Variants in LRP1B observed in about 807,000 individuals in gnomAD.
LRP1B encodes the protein low-density lipoprotein receptor-related protein 1B.
Under a neutral mutation model 556.6 loss-of-function variants are expected in LRP1B, and 217 were observed. The observed-to-expected ratio is 0.39, with a 90% CI of 0.35 to 0.44. LRP1B has a LOEUF of 0.44. Ranked by LOEUF, LRP1B falls within the 20% of genes least tolerant of loss-of-function variation. The probability of loss-of-function intolerance (pLI) is 1.00; values close to 1 mark genes in which losing one functional copy is unlikely to be tolerated. For missense variants in LRP1B, 5,053 were observed against 5,620.8 expected (o/e 0.90, Z 3.23); for synonymous variants, 2,047 against 1,865.8 (o/e 1.10, Z -2.50).
intron 86 of LRP1B, among the ~76,000 whole-genome samples, chr2:140,268,960 A>C (rs1682331944): frequency 1.3e-5 from 2 of 152,006 alleles, no homozygotes; most frequent in Admixed American, 1.3e-4. Context: ...AGCATATGGA[A>C]GTACTCTTAA....
chr2:140,402,570 G>T (rs931187438), intron 66 of LRP1B, among the ~76,000 whole-genome samples: 3 of 152,188 alleles, frequency 2.0e-5, no homozygotes, highest in African/African-American at 7.2e-5. Context: ...AGAGGTGCCT[G>T]TCTGATCTGA....
chr2:141,386,036 A>G (rs948321654), intron 3 of LRP1B, among the ~76,000 whole-genome samples: 1 of 152,184 alleles, frequency 6.6e-6, no homozygotes, highest in African/African-American at 2.4e-5. Flanking sequence ...ACCACAGATT[A>G]TCTACATGGA....
At chr2:141,358,104 G>A (rs1013025072) in intron 3 of LRP1B, among the ~76,000 whole-genome samples, 3 of 152,108 alleles carry the variant, frequency 2.0e-5, no homozygotes, top group Admixed American at 6.5e-5. Flanking sequence ...GCAAATTTAT[G>A]TCACTTAAAA....
chr2:141,044,906 C>T (rs781708464), intron 11 of LRP1B, among the ~76,000 whole-genome samples: 3 of 151,298 alleles, frequency 2.0e-5, no homozygotes, highest in Non-Finnish European at 4.4e-5. Context: ...TTGACCCAGC[C>T]ATCCCATTAC....
intron 2 of LRP1B, among the ~76,000 whole-genome samples, chr2:141,695,852 C>T (rs1002310021): frequency 1.3e-5 from 2 of 151,804 alleles, no homozygotes; most frequent in Non-Finnish European, 1.5e-5. Context: ...TAGCTGTGGC[C>T]TATATATTCT....
At chr2:140,902,296 G>C (rs1694127380) in intron 23 of LRP1B, among the ~76,000 whole-genome samples, 1 of 152,004 alleles carries the variant, frequency 6.6e-6, no homozygotes, top group Admixed American at 6.6e-5. Context: ...AGTCTTTCAC[G>C]CTACTCTTAC....
intron 62 of LRP1B, among the ~76,000 whole-genome samples, chr2:140,452,848 C>T (rs893285700): frequency 6.6e-6 from 1 of 151,682 alleles, no homozygotes; most frequent in African/African-American, 2.4e-5. Flanking sequence ...TTTTTTCTCC[C>T]AGTGGCAATA....
chr2:141,959,233 T>C (rs191381134), intron 1 of LRP1B, among the ~76,000 whole-genome samples: 5 of 152,068 alleles, frequency 3.3e-5, no homozygotes, highest in Admixed American at 3.3e-4. Flanking sequence ...AAATGAGCTT[T>C]GTTGTTTGTT....
chr2:141,864,798 C>G (rs1184878779), intron 1 of LRP1B, among the ~76,000 whole-genome samples: 3 of 152,166 alleles, frequency 2.0e-5, no homozygotes, highest in African/African-American at 7.2e-5. Flanking sequence ...AGGAGAATCA[C>G]TTGAATCCAG....
intron 1 of LRP1B, among the ~76,000 whole-genome samples, chr2:141,998,656 G>C (rs2105131550): frequency 6.6e-6 from 1 of 152,234 alleles, no homozygotes; most frequent in Middle Eastern, 3.4e-3. Flanking sequence ...CTATAGGTTG[G>C]TTTTACACAT....
chr2:140,442,973 T>G (rs1008175418), intron 65 of LRP1B, among the ~76,000 whole-genome samples: 1 of 152,192 alleles, frequency 6.6e-6, no homozygotes, highest in South Asian at 2.1e-4. Context: ...TAGGTATACA[T>G]TTTTGTAAAC....
intron 3 of LRP1B, among the ~76,000 whole-genome samples, chr2:141,309,925 T>A (rs1686747887): frequency 1.3e-5 from 2 of 152,112 alleles, no homozygotes; most frequent in Non-Finnish European, 2.9e-5. Flanking sequence ...AAATGTCAAA[T>A]CTGCTGTCAC....
intron 6 of LRP1B, among the ~76,000 whole-genome samples, chr2:141,205,551 C>T (rs1682239317): frequency 6.6e-6 from 1 of 152,140 alleles, no homozygotes; most frequent in African/African-American, 2.4e-5. Flanking sequence ...TATGTAAGTA[C>T]ATGATGTAAT....
chr2:141,890,333 T>TATAC (rs1553480467), intron 1 of LRP1B, among the ~76,000 whole-genome samples: 3 of 133,070 alleles, frequency 2.3e-5, no homozygotes, highest in African/African-American at 5.6e-5. Flanking sequence ...CATATATATA[T>TATAC]ATATATATAT....
intron 11 of LRP1B, among the ~76,000 whole-genome samples, chr2:141,036,987 C>T (rs990774717): frequency 1.3e-5 from 2 of 152,054 alleles, no homozygotes; most frequent in African/African-American, 4.8e-5. Context: ...CCCAGACACG[C>T]AGGACCTAAG....
chr2:140,234,596 A>C (rs1172224603), intron 90 of LRP1B, 190 bp downstream of exon 90: 1 of 455,100 alleles, frequency 2.2e-6, no homozygotes, highest in Non-Finnish European at 3.9e-6. Flanking sequence ...GGCTTGCCTA[A>C]AATAATGTTT....
chr2:140,676,797 AT>A (rs1454598697), intron 41 of LRP1B, among the ~76,000 whole-genome samples: 1 of 152,184 alleles, frequency 6.6e-6, no homozygotes, highest in African/African-American at 2.4e-5. Flanking sequence ...GCTTGTAAAG[AT>A]TTTAAGATGT....
intron 3 of LRP1B, among the ~76,000 whole-genome samples, chr2:141,318,425 T>C (rs961968458): frequency 1.3e-5 from 2 of 152,166 alleles, no homozygotes. Context: ...AAGTCAAATT[T>C]AAAATAACTC....
intron 18 of LRP1B, among the ~76,000 whole-genome samples, chr2:140,960,041 T>C (rs1479769497): frequency 1.4e-5 from 2 of 145,560 alleles, no homozygotes; most frequent in African/African-American, 5.1e-5. Flanking sequence ...GTAATTTTTT[T>C]ATCAATTTGC....
Sources: gnomAD v4.1 joint callset for allele counts (sites outside exome capture counted in the v4.1 genomes callset) on GRCh38, gnomAD v4.1.1 for gene constraint, MANE v1.5 for transcripts, NCBI Gene and HGNC (gene_info 2026-07-23, HGNC 2026-07-21) for gene names.